Variants in NRG1 observed in about 807,000 individuals in gnomAD.
NRG1 encodes the protein neuregulin 1.
NRG1 carries 18 observed loss-of-function variants against 63.8 expected under a neutral mutation model. That is an observed-to-expected ratio of 0.28 (90% CI 0.19 to 0.42). The LOEUF is 0.42. Ranked by LOEUF, NRG1 falls within the 10% of genes least tolerant of loss-of-function variation. The pLI is 1.00. For synonymous variants in NRG1, 302 were observed against 301.3 expected (o/e 1.00, Z -0.02); for missense variants, 762 against 814.7 (o/e 0.94, Z 0.79).
intron 1 of NRG1, among the ~76,000 whole-genome samples, chr8:32,551,853 C>T (rs1238055096): frequency 6.6e-6 from 1 of 150,446 alleles, no homozygotes; most frequent in African/African-American, 2.4e-5. Context: ...CCAGCCTCTT[C>T]ATACTGATTC....
intron 1 of NRG1, among the ~76,000 whole-genome samples, chr8:32,123,139 G>T (rs1357102972): frequency 6.6e-6 from 1 of 151,964 alleles, no homozygotes; most frequent in Non-Finnish European, 1.5e-5. Context: ...GTGATTCCAT[G>T]TGTAGGTATA....
rs116441682 is a variant in NRG1, at chr8:31,936,755, A to G, written c.37+297324A>G. Among the ~76,000 whole-genome samples the G allele has an allele frequency of 4.4e-3, 670 of 152,316 alleles. 8 individuals are homozygous for G. The highest frequency in any genetic ancestry group is 0.015 in the African/African-American group (630 of 41,562). ...TTCATCACGTACAGAGTACAACAAG[A>G]TACTCTATTATCCCTTCAGGCTGTT... is the stretch of plus-strand genomic sequence containing the variant. On this transcript the variant is annotated intron_variant, in intron 1 of 10. Coordinates refer to the NRG1 transcript ENST00000519301.
intron 1 of NRG1, among the ~76,000 whole-genome samples, chr8:31,729,224 AC>A (rs1354331385): frequency 8.7e-6 from 1 of 114,500 alleles, no homozygotes; most frequent in East Asian, 2.1e-4. Flanking sequence ...TGGGATTTAA[AC>A]AAATAAACAA....
chr8:32,607,799 G>T (rs1420380968), intron 3 of NRG1, among the ~76,000 whole-genome samples: 1 of 152,112 alleles, frequency 6.6e-6, no homozygotes, highest in Non-Finnish European at 1.5e-5. Context: ...ATAAAGAGAA[G>T]TTCATGGAAT....
chr8:32,655,901 T>C (rs1250994070), intron 5 of NRG1, among the ~76,000 whole-genome samples: 1 of 152,146 alleles, frequency 6.6e-6, no homozygotes, highest in Non-Finnish European at 1.5e-5. Flanking sequence ...ACAGTTTAGA[T>C]GTGGTGCAGG....
At chr8:32,278,265 T>C (rs779587839) in intron 1 of NRG1, among the ~76,000 whole-genome samples, 1 of 152,178 alleles carries the variant, frequency 6.6e-6, no homozygotes, top group Non-Finnish European at 1.5e-5. Flanking sequence ...ACTGACTGAC[T>C]ACTAAATTGT....
chr8:32,483,598 T>TCTCC (rs1825558571), intron 1 of NRG1, among the ~76,000 whole-genome samples: 2 of 152,176 alleles, frequency 1.3e-5, no homozygotes, highest in South Asian at 4.1e-4. Context: ...AATTTCCTTC[T>TCTCC]CTCCATCTCC....
At chr8:32,365,326 A>G (rs756318646) in intron 1 of NRG1, among the ~76,000 whole-genome samples, 3 of 151,602 alleles carry the variant, frequency 2.0e-5, no homozygotes, top group Non-Finnish European at 2.9e-5. Context: ...AGTGGTTTAT[A>G]TTTCCTTTTG....
At chr8:32,757,362 G>T (rs891830461) in intron 9 of NRG1, among the ~76,000 whole-genome samples, 2 of 151,952 alleles carry the variant, frequency 1.3e-5, no homozygotes, top group African/African-American at 4.8e-5. Flanking sequence ...TTATTGCTCT[G>T]ATGTATGGTT....
chr8:31,854,916 G>A (rs973619719), intron 1 of NRG1, among the ~76,000 whole-genome samples: 7 of 152,184 alleles, frequency 4.6e-5, no homozygotes, highest in African/African-American at 1.7e-4. Flanking sequence ...ATGTAGCTGA[G>A]CGGTTTTGAG....
intron 1 of NRG1, among the ~76,000 whole-genome samples, chr8:32,452,244 C>T (rs1821048726): frequency 6.6e-6 from 1 of 152,094 alleles, no homozygotes. Flanking sequence ...GAAGGGATAA[C>T]ACATGGAATG....
chr8:32,530,387 G>A (rs371235453), intron 1 of NRG1, among the ~76,000 whole-genome samples: 21 of 152,112 alleles, frequency 1.4e-4, no homozygotes, highest in Non-Finnish European at 8.8e-5. Flanking sequence ...GATTACAGGC[G>A]TGAGCCACCG....
chr8:32,505,444 T>C (rs1828399074), intron 1 of NRG1, among the ~76,000 whole-genome samples: 1 of 152,190 alleles, frequency 6.6e-6, no homozygotes, highest in Non-Finnish European at 1.5e-5. Flanking sequence ...TTTGACAATT[T>C]AGGATCTCCA....
At chr8:32,428,231 C>A (rs1209354435) in intron 1 of NRG1, among the ~76,000 whole-genome samples, 2 of 152,200 alleles carry the variant, frequency 1.3e-5, no homozygotes, top group Non-Finnish European at 2.9e-5. Flanking sequence ...CTGACTTCAG[C>A]ATCTTTGGGA....
intron 1 of NRG1, among the ~76,000 whole-genome samples, chr8:31,992,395 T>C (rs1811248595): frequency 6.6e-6 from 1 of 151,992 alleles, no homozygotes; most frequent in African/African-American, 2.4e-5. Context: ...GCTTGCCTGA[T>C]ACTGAACTCT....
At position 32,289,844 on chromosome 8, in the gene NRG1, C is replaced by T. The variant is rs115083788; in HGVS notation, c.38-305984C>T. On this transcript the variant is annotated intron_variant, in intron 1 of 10. Transcript: ENST00000519301. ...AACTTGTAAGGATTTCAGGTCAAAA[C>T]GATAAGTTTAAATCATTTACTCGAT... 2.7e-3 allele frequency among the ~76,000 whole-genome samples: 417 copies of T among 152,190 alleles called. 1 individual carries two copies. Among genetic ancestry groups the T allele is most frequent in the African/African-American group, 9.6e-3 (398 of 41,520 alleles).
chr8:31,969,418 T>A (rs1397819356), intron 1 of NRG1, among the ~76,000 whole-genome samples: 9 of 152,184 alleles, frequency 5.9e-5, no homozygotes, highest in Non-Finnish European at 4.4e-5. Context: ...CATAACCCTG[T>A]CAAGGTGCTT....
intron 6 of NRG1, chr8:32,728,483 C>T: frequency 1.0e-6 from 1 of 985,118 alleles, no homozygotes; most frequent in Non-Finnish European, 1.2e-6. Flanking sequence ...CAGTGATCAC[C>T]TGCCAAATGA....
chr8:32,549,028 T>C (rs1384710885), intron 1 of NRG1, among the ~76,000 whole-genome samples: 1 of 152,160 alleles, frequency 6.6e-6, no homozygotes, highest in East Asian at 1.9e-4. Flanking sequence ...ACCGGGCGCC[T>C]ACGCCCAGAG....
Sources: allele counts gnomAD v4.1 joint callset (sites outside exome capture counted in the v4.1 genomes callset), GRCh38; gene constraint gnomAD v4.1.1; transcripts MANE v1.5; gene names NCBI Gene and HGNC (gene_info 2026-07-23, HGNC 2026-07-21).